The following CADM1 variants were observed in gnomAD, a reference collection of about 807,000 sequenced individuals.
The protein encoded by CADM1 is TSLC-1.
A neutral mutation model predicts 53.1 loss-of-function variants in CADM1; 15 were observed. That is an observed-to-expected ratio of 0.28 (90% confidence interval 0.19 to 0.44). CADM1 has a LOEUF of 0.44. Among genes scored for constraint, CADM1 ranks in the 20% least tolerant of loss-of-function variants. The pLI, the probability that CADM1 is intolerant of heterozygous loss-of-function variation, is 1.00. For missense variants in CADM1, 434 were observed against 611.3 expected (o/e 0.71, Z 3.06); for synonymous variants, 281 against 243.0 (o/e 1.16, Z -1.45).
At chr11:115,294,801 G>A (rs2135118610) in intron 1 of CADM1, among the ~76,000 whole-genome samples, 1 of 152,326 alleles carries the variant, frequency 6.6e-6, no homozygotes, top group South Asian at 2.1e-4. Flanking sequence ...TTGGGAGGAG[G>A]AGGTGGGTGG....
intron 7 of CADM1, among the ~76,000 whole-genome samples, chr11:115,210,635 T>G (rs939947558): frequency 1.3e-5 from 2 of 152,206 alleles, no homozygotes; most frequent in African/African-American, 4.8e-5. Flanking sequence ...TTGAAAGCTT[T>G]TGATTTTAAA....
At chr11:115,261,196 A>G (rs1170157937) in intron 1 of CADM1, among the ~76,000 whole-genome samples, 2 of 152,198 alleles carry the variant, frequency 1.3e-5, no homozygotes, top group Non-Finnish European at 1.5e-5. Flanking sequence ...ATTTAAAAAC[A>G]TATTGAGAAA....
intron 1 of CADM1, among the ~76,000 whole-genome samples, chr11:115,263,461 T>C (rs1453076227): frequency 1.3e-5 from 2 of 152,254 alleles, no homozygotes; most frequent in Non-Finnish European, 2.9e-5. Flanking sequence ...CATCCACTAG[T>C]GGATCTTGTC....
At chr11:115,302,861 C>T (rs1944267481) in intron 1 of CADM1, among the ~76,000 whole-genome samples, 8 of 151,984 alleles carry the variant, frequency 5.3e-5, no homozygotes. Context: ...AGGAGTAAGG[C>T]TGTGTATGAG....
intron 1 of CADM1, among the ~76,000 whole-genome samples, chr11:115,372,535 G>A (rs1435723064): frequency 6.6e-6 from 1 of 151,940 alleles, no homozygotes; most frequent in Non-Finnish European, 1.5e-5. Flanking sequence ...TCCCTCTCAA[G>A]AACATTGATA....
At chr11:115,476,418 T>G (rs1318359395) in intron 1 of CADM1, among the ~76,000 whole-genome samples, 1 of 151,360 alleles carries the variant, frequency 6.6e-6, no homozygotes, top group Non-Finnish European at 1.5e-5. Flanking sequence ...TTTGTTTGAT[T>G]GTTTGTTTGT....
intron 10 of CADM1, among the ~76,000 whole-genome samples, chr11:115,185,402 T>A (rs557834598): frequency 6.6e-6 from 1 of 152,236 alleles, no homozygotes; most frequent in Non-Finnish European, 1.5e-5. Context: ...GGCTTAGCTG[T>A]CCTTTATGAA....
At chr11:115,295,548 A>T (rs201930673) in intron 1 of CADM1, among the ~76,000 whole-genome samples, 2 of 55,632 alleles carry the variant, frequency 3.6e-5, no homozygotes, top group African/African-American at 4.0e-4. Context: ...ATATATATAT[A>T]TAATATATAT....
chr11:115,370,857 T>C (rs1946290363), intron 1 of CADM1, among the ~76,000 whole-genome samples: 1 of 152,216 alleles, frequency 6.6e-6, no homozygotes, highest in African/African-American at 2.4e-5. Context: ...AACTCAGCTA[T>C]TAAAGAATTC....
At position 115,252,484 on chromosome 11, in the gene CADM1, A is replaced by G. The variant is rs1044847544; in HGVS notation, c.125-12064T>C. Among the ~76,000 whole-genome samples the G allele has an allele frequency of 2.0e-5, 3 of 152,246 alleles. No homozygotes were observed. In the East Asian group the frequency reaches 5.8e-4, roughly 29 times the overall value. The stretch of plus-strand genomic sequence containing the variant: ...ACTAAAAAGCAGAGAGCAAATTAAA[A>G]TATCTTTATCAAACATTTATATTGA... On this transcript the variant is annotated intron_variant, in intron 1 of 11. Coordinates refer to ENST00000331581, the MANE Select transcript of CADM1 (RefSeq NM_001301043.2).
In CADM1 at chr11:115,226,101, G is replaced by C. The variant is rs576369095; in HGVS notation, c.721+3012C>G. On this transcript the variant is annotated intron_variant, in intron 5 of 11. Transcript: ENST00000331581. ...CTATTGTTTCTCACCGAGAACATAA[G>C]AAATCTTTTTAGGTGACAAAGGAAA... is the stretch of plus-strand genomic sequence containing the variant. 1.0e-3 allele frequency among the ~76,000 whole-genome samples: 153 copies of C among 152,060 alleles called. 2 individuals are homozygous for C. Among genetic ancestry groups the C allele is most frequent in the Admixed American group, 1.7e-3 (26 of 15,282 alleles).
At chr11:115,266,672 T>C (rs982919201) in intron 1 of CADM1, among the ~76,000 whole-genome samples, 5 of 152,236 alleles carry the variant, frequency 3.3e-5, no homozygotes, top group Admixed American at 2.6e-4. Flanking sequence ...ATAACTTTGT[T>C]CTGTCAGTAA....
At chr11:115,206,497 AG>A (rs768900326) in intron 8 of CADM1, among the ~76,000 whole-genome samples, 8 of 152,336 alleles carry the variant, frequency 5.3e-5, no homozygotes, top group Admixed American at 2.0e-4. Flanking sequence ...ACATGTTTCA[AG>A]GAAGTCAGGC....
At chr11:115,431,539 CA>C (rs1948050970) in intron 1 of CADM1, among the ~76,000 whole-genome samples, 1 of 152,154 alleles carries the variant, frequency 6.6e-6, no homozygotes, top group Non-Finnish European at 1.5e-5. Context: ...TTCAGACCCT[CA>C]AAGGCTTCTT....
intron 1 of CADM1, among the ~76,000 whole-genome samples, chr11:115,429,882 C>T (rs1238998067): frequency 6.6e-6 from 1 of 152,078 alleles, no homozygotes; most frequent in Non-Finnish European, 1.5e-5. Context: ...ATCCCCCAGA[C>T]CCGGAGCAGT....
intron 1 of CADM1, among the ~76,000 whole-genome samples, chr11:115,346,786 C>T (rs1021408517): frequency 6.6e-6 from 1 of 152,114 alleles, no homozygotes; most frequent in African/African-American, 2.4e-5. Context: ...AATTCAGTTC[C>T]TAAGTTTTTG....
At chr11:115,379,119 A>G (rs1946512779) in intron 1 of CADM1, among the ~76,000 whole-genome samples, 1 of 152,246 alleles carries the variant, frequency 6.6e-6, no homozygotes, top group South Asian at 2.1e-4. Flanking sequence ...GTGCAATGCA[A>G]TGTATAATAT....
chr11:115,390,133 C>T lies in CADM1; in HGVS notation c.124+114138G>A, dbSNP rs145124814. ...ACTGTGTACCCTCCCATCCCACCTCCCCCCATGTCACAGGAGAAAAAAGGA... is the reference window on the plus strand; with the variant it reads ...ACTGTGTACCCTCCCATCCCACCTCTCCCCATGTCACAGGAGAAAAAAGGA... On this transcript the variant is annotated intron_variant, in intron 1 of 11. Coordinates refer to ENST00000331581, the MANE Select transcript of CADM1 (RefSeq NM_001301043.2). Among the ~76,000 whole-genome samples the T allele has an allele frequency of 2.7e-3, 406 of 152,210 alleles. 1 individual carries two copies. Among genetic ancestry groups the T allele is most frequent in the African/African-American group, 9.3e-3 (387 of 41,526 alleles).
chr11:115,325,649 T>G (rs567949480), intron 1 of CADM1, among the ~76,000 whole-genome samples: 16 of 152,286 alleles, frequency 1.1e-4, no homozygotes, highest in African/African-American at 3.4e-4. Context: ...AGCTCCCTCA[T>G]TAATCTTTCA....
Sources: allele counts gnomAD v4.1 joint callset (sites outside exome capture counted in the v4.1 genomes callset), GRCh38; gene constraint gnomAD v4.1.1; transcripts MANE v1.5; gene names NCBI Gene and HGNC (gene_info 2026-07-23, HGNC 2026-07-21).